JMJD1C: variants seen among roughly 807,000 people sequenced by gnomAD.
JMJD1C encodes jumonji domain-containing protein 1C.
Under a neutral mutation model 245.3 loss-of-function variants are expected in JMJD1C, and 31 were observed. That is an observed-to-expected ratio of 0.13 (90% CI 0.09 to 0.17). JMJD1C has a LOEUF of 0.17. Ranked by LOEUF, JMJD1C falls within the 10% of genes least tolerant of loss-of-function variation. The pLI is 1.00. For synonymous variants in JMJD1C, 1,057 were observed against 1,017.4 expected, an observed-to-expected ratio of 1.04 and a Z score of -0.74; for missense variants, 2,691 against 3,000.2, an observed-to-expected ratio of 0.90 and a Z score of 2.41.
Position 63,170,732 on chromosome 10 carries a change from G to A in JMJD1C, c.7402-2166C>T, listed in dbSNP as rs146198856. Reference sequence around the variant, plus strand: ...ATTAGTGCTTACAAGATGCTATTAGGTTTCCTAATGACCCCTACCTGATAT... The same window carrying A: ...ATTAGTGCTTACAAGATGCTATTAGATTTCCTAATGACCCCTACCTGATAT... On this transcript the variant is annotated intron_variant, in intron 24 of 25. Coordinates refer to ENST00000399262, the MANE Select transcript of JMJD1C (RefSeq NM_032776.3). Among the ~76,000 whole-genome samples the A allele has an allele frequency of 5.9e-3, 891 of 152,178 alleles. 5 individuals carry two copies. Among genetic ancestry groups the A allele is most frequent in the African/African-American group, 0.016 (664 of 41,528 alleles).
chr10:63,458,873 A>G (rs1952597004), intron 1 of JMJD1C, among the ~76,000 whole-genome samples: 1 of 151,926 alleles, frequency 6.6e-6, no homozygotes, highest in Non-Finnish European at 1.5e-5. Context: ...ACAGGCACAC[A>G]CCACCACGCC....
Position 63,215,408 on chromosome 10 carries a change from G to A in JMJD1C, c.870C>T (p.Asn290=), listed in dbSNP as rs1215361487. 2 of 1,614,104 alleles carry A rather than the reference G, an allele frequency of 1.2e-6. No homozygotes were observed. The highest frequency in any genetic ancestry group is 8.5e-7 in the Non-Finnish European group (1 of 1,180,022). Residue 290 remains asparagine, a synonymous_variant, in exon 7 of 26, where the codon AAC becomes AAT. Transcript: ENST00000399262. ...AQANSPRPAM[N]SQAAVPKQNT... ...TCTGTTTTGGTACAGCAGCTTGGGA[G>A]TTCATTGCTGGTCTGGGACTATTTG...
intron 13 of JMJD1C, among the ~76,000 whole-genome samples, 179 bp downstream of exon 13, chr10:63,197,232 C>T (rs182582721): frequency 1.3e-5 from 2 of 151,978 alleles, no homozygotes; most frequent in East Asian, 3.9e-4. Context: ...CAATTTAATT[C>T]TAGAAAATAT....
intron 1 of JMJD1C, among the ~76,000 whole-genome samples, chr10:63,404,350 C>T (rs896474437): frequency 1.3e-5 from 2 of 152,112 alleles, no homozygotes; most frequent in African/African-American, 2.4e-5. Flanking sequence ...AAAAGATATA[C>T]GACACACTAA....
intron 1 of JMJD1C, chr10:63,427,832 T>G: frequency 1.9e-6 from 2 of 1,049,258 alleles, no homozygotes; most frequent in South Asian, 2.5e-5. Context: ...AAAACACTTG[T>G]TGAGACAGCC....
At chr10:63,194,185 A>T (rs752456824) in intron 14 of JMJD1C, 101 bp downstream of exon 14, 4 of 776,600 alleles carry the variant, frequency 5.2e-6, no homozygotes, top group Non-Finnish European at 9.2e-6. Context: ...AAACTAGTTA[A>T]ATCTCTCTCC....
At chr10:63,454,042 T>C (rs975002420) in intron 1 of JMJD1C, among the ~76,000 whole-genome samples, 1 of 152,070 alleles carries the variant, frequency 6.6e-6, no homozygotes, top group African/African-American at 2.4e-5. Context: ...GTTTGTATCA[T>C]CCCAATTTTT....
At chr10:63,369,052 T>C (rs773471943) in intron 2 of JMJD1C, among the ~76,000 whole-genome samples, 48 of 152,160 alleles carry the variant, frequency 3.2e-4, no homozygotes, top group Non-Finnish European at 1.9e-4. Context: ...ATGAATAGCC[T>C]AAGGAAGAAT....
intron 2 of JMJD1C, among the ~76,000 whole-genome samples, chr10:63,306,527 T>C (rs1366632956): frequency 6.6e-6 from 1 of 152,212 alleles, no homozygotes; most frequent in African/African-American, 2.4e-5. Context: ...AAACCAGATT[T>C]ATAAAAGAAA....
At chr10:63,505,560 T>C (rs909788835) in intron 1 of JMJD1C, among the ~76,000 whole-genome samples, 6 of 152,100 alleles carry the variant, frequency 3.9e-5, no homozygotes, top group Non-Finnish European at 7.4e-5. Context: ...TGGCTCTGAT[T>C]ATTTAACCAT....
At position 63,449,117 on chromosome 10, in the gene JMJD1C, A is replaced by AAAAATAAAAT. The variant is rs367691693; in HGVS notation, c.168+16368_168+16377dup. Among the ~76,000 whole-genome samples, 96 of 152,092 alleles carry AAAAATAAAAT rather than the reference A, an allele frequency of 6.3e-4. 1 individual carries two copies. The highest frequency in any genetic ancestry group is 6.8e-3 in the Middle Eastern group (2 of 294). On this transcript the variant is annotated intron_variant, in intron 1 of 25. Transcript: ENST00000399262. The stretch of plus-strand genomic sequence containing the variant: ...TGATGACAGAGCAAGACTCCGTCTC[A>AAAAATAAAAT]AAAATAAAATAAAATAAAATAAAAT...
intron 1 of JMJD1C, among the ~76,000 whole-genome samples, chr10:63,401,468 A>G (rs1272065200): frequency 6.6e-6 from 1 of 152,102 alleles, no homozygotes; most frequent in African/African-American, 2.4e-5. Context: ...GCTGGTCTCG[A>G]ACTCTTGGCT....
chr10:63,222,495 G>T (rs1347879528), intron 3 of JMJD1C: 3 of 1,086,230 alleles, frequency 2.8e-6, no homozygotes, highest in Non-Finnish European at 4.3e-6. Context: ...GGAGAATGTG[G>T]ACTTGATTTT....
intron 1 of JMJD1C, among the ~76,000 whole-genome samples, chr10:63,521,212 C>A (rs1955213685): frequency 6.6e-6 from 1 of 151,966 alleles, no homozygotes; most frequent in South Asian, 2.1e-4. Context: ...GGGCTAGGAT[C>A]CCGCCAGCCC....
In JMJD1C at chr10:63,208,023, T is replaced by C. The variant is rs1358361135; in HGVS notation, c.3646A>G (p.Ser1216Gly). The C allele has an allele frequency of 6.2e-7, 1 of 1,614,158 alleles. No homozygotes were observed. Among genetic ancestry groups the C allele is most frequent in the South Asian group, 1.1e-5 (1 of 91,080 alleles). ...TAGCTGCCTTCCTTTCTTTCCAGGC[T>C]GTGATGGATTGGTGGGTGAAATACT... Reference protein sequence around the residue: ...APVFHPPIHHSLERKEGSYSS... With the variant: ...APVFHPPIHHGLERKEGSYSS... Residue 1216 changes from serine to glycine, a missense_variant, in exon 10 of 26, where the codon AGC (serine) becomes GGC (glycine). Coordinates refer to ENST00000399262, the MANE Select transcript of JMJD1C (RefSeq NM_032776.3).
intron 2 of JMJD1C, among the ~76,000 whole-genome samples, chr10:63,325,866 A>T (rs902923283): frequency 5.3e-5 from 8 of 152,182 alleles, no homozygotes; most frequent in African/African-American, 1.9e-4. Flanking sequence ...TTGTTTCCAT[A>T]TCCCTCCAAT....
At chr10:63,466,829 C>A (rs893718418), upstream of JMJD1C, among the ~76,000 whole-genome samples, 1 of 152,116 alleles carries the variant, frequency 6.6e-6, no homozygotes, top group African/African-American at 2.4e-5. Flanking sequence ...ACTCCCTAAC[C>A]CACACAAAGA....
At chr10:63,248,267 C>A (rs1852522593) in intron 3 of JMJD1C, among the ~76,000 whole-genome samples, 1 of 151,938 alleles carries the variant, frequency 6.6e-6, no homozygotes, top group East Asian at 1.9e-4. Context: ...TCGAGACCAG[C>A]CTGACCAACA....
rs73288470 is a variant in JMJD1C at position 63,170,316 on chromosome 10, G to A, written c.7402-1750C>T. On this transcript the variant is annotated intron_variant, in intron 24 of 25. Transcript: ENST00000399262. ...ATGGGCCATACTTTCCTCTTTCTGT[G>A]TATGCCTTATACCTTTCTGTTGAAA... 3.3e-3 allele frequency among the ~76,000 whole-genome samples: 495 copies of A among 152,176 alleles called. 3 individuals are homozygous for A. Among genetic ancestry groups the A allele is most frequent in the African/African-American group, 0.011 (457 of 41,526 alleles).
Sources: gnomAD v4.1 joint callset for allele counts (sites outside exome capture counted in the v4.1 genomes callset) on GRCh38, gnomAD v4.1.1 for gene constraint, MANE v1.5 for transcripts, NCBI Gene and HGNC (gene_info 2026-07-23, HGNC 2026-07-21) for gene names.